Variants in CHCHD6 observed in about 807,000 individuals in gnomAD.
CHCHD6 encodes coiled-coil-helix-coiled-coil-helix domain containing 6.
Under a neutral mutation model 32.3 loss-of-function variants are expected in CHCHD6, and 28 were observed. The observed-to-expected ratio is 0.87, with a 90% CI of 0.64 to 1.19. The LOEUF is 1.19. Among genes scored for constraint, CHCHD6 ranks in the 50% most tolerant of loss-of-function variants. The pLI is 0.00. For missense variants in CHCHD6, 333 were observed against 307.0 expected, an observed-to-expected ratio of 1.08 and a Z score of -0.63; for synonymous variants, 122 against 117.5, an observed-to-expected ratio of 1.04 and a Z score of -0.25.
At chr3:126,895,206 A>T (rs939450206) in intron 5 of CHCHD6, among the ~76,000 whole-genome samples, 1 of 152,236 alleles carries the variant, frequency 6.6e-6, no homozygotes, top group African/African-American at 2.4e-5. Flanking sequence ...GGAACCTTCA[A>T]ATCAATGTGA....
intron 4 of CHCHD6, among the ~76,000 whole-genome samples, chr3:126,836,705 G>C (rs902471750): frequency 2.6e-5 from 4 of 152,244 alleles, no homozygotes; most frequent in African/African-American, 9.6e-5. Flanking sequence ...GATGCTGAGA[G>C]GAGAGAGGGC....
chr3:126,730,587 A>G lies in CHCHD6; in HGVS notation c.223A>G (p.Ser75Gly), dbSNP rs1311390716. ...ATCCACACTGCCCAGGTCGGGGAGC[A>G]GTGGTGGCCAGCAGCCCTCAGGGAT... ...KESTLPRSGS[S>G]GGQQPSGMKE... Residue 75 changes from serine to glycine, a missense_variant, in exon 3 of 8, where the codon AGT becomes GGT. Coordinates refer to ENST00000290913, the MANE Select transcript of CHCHD6 (RefSeq NM_032343.3). 2 of 1,613,726 alleles carry G rather than the reference A, an allele frequency of 1.2e-6. No homozygotes were observed. The highest frequency in any genetic ancestry group is 2.7e-5 in the African/African-American group (2 of 74,896).
At chr3:126,714,795 G>A (rs1333812736) in intron 1 of CHCHD6, among the ~76,000 whole-genome samples, 6 of 152,074 alleles carry the variant, frequency 3.9e-5, no homozygotes, top group African/African-American at 4.8e-5. Context: ...GGCCTGTCTC[G>A]GCTGCTGACC....
At chr3:126,796,079 T>C (rs1185161397) in intron 4 of CHCHD6, among the ~76,000 whole-genome samples, 1 of 152,118 alleles carries the variant, frequency 6.6e-6, no homozygotes, top group African/African-American at 2.4e-5. Context: ...GTGTAGTGGC[T>C]CATGGGTGTA....
At chr3:126,852,760 G>C (rs570159752) in intron 5 of CHCHD6, 30 bp downstream of exon 5, 6 of 1,502,502 alleles carry the variant, frequency 4.0e-6, no homozygotes, top group South Asian at 1.1e-5. Flanking sequence ...GCATTCCTCG[G>C]GGCCAGGTCC....
At chr3:126,877,726 T>C in intron 5 of CHCHD6, among the ~76,000 whole-genome samples, 1 of 152,180 alleles carries the variant, frequency 6.6e-6, no homozygotes, top group East Asian at 1.9e-4. Context: ...TGTGTATAAA[T>C]CTGGTGAAAT....
intron 4 of CHCHD6, among the ~76,000 whole-genome samples, chr3:126,754,998 A>T (rs184724533): frequency 6.6e-6 from 1 of 152,204 alleles, no homozygotes; most frequent in East Asian, 1.9e-4. Flanking sequence ...TAAAATCCTG[A>T]TGAAGTGGGG....
At chr3:126,724,613 C>T (rs994146721) in intron 1 of CHCHD6, among the ~76,000 whole-genome samples, 13 of 152,078 alleles carry the variant, frequency 8.5e-5, no homozygotes, top group South Asian at 2.1e-4. Flanking sequence ...TTTGCCACAT[C>T]GATCAACTCT....
chr3:126,891,217 G>T (rs143534716), intron 5 of CHCHD6, among the ~76,000 whole-genome samples: 2 of 152,322 alleles, frequency 1.3e-5, no homozygotes, highest in East Asian at 3.9e-4. Flanking sequence ...CCTGGGGGTT[G>T]TGTTAGCTAG....
chr3:126,888,938 T>C (rs2077715241), intron 5 of CHCHD6, among the ~76,000 whole-genome samples: 2 of 152,134 alleles, frequency 1.3e-5, no homozygotes, highest in Admixed American at 1.3e-4. Context: ...CCACGTGTGG[T>C]GCTTAGCCCC....
Position 126,855,952 on chromosome 3 carries a change from G to A in CHCHD6, c.495+3222G>A, listed in dbSNP as rs371693878. ...GCAAGCAAACCACTGCTCACAAAGA[G>A]CATGTAGTTTCCATAGCATTTTCAC... On this transcript the variant is annotated intron_variant, in intron 5 of 7. Transcript: ENST00000290913. 9.2e-5 allele frequency among the ~76,000 whole-genome samples: 14 copies of A among 152,316 alleles called. No individual in the cohort carries two copies. The East Asian group carries it at 2.3e-3, about 25-fold the overall frequency.
chr3:126,835,621 A>G (rs1215853084), intron 4 of CHCHD6, among the ~76,000 whole-genome samples: 1 of 152,218 alleles, frequency 6.6e-6, no homozygotes, highest in Non-Finnish European at 1.5e-5. Context: ...GTTGCTGGTC[A>G]TGTTTGAGCA....
chr3:126,750,179 G>T (rs574643827), intron 4 of CHCHD6, among the ~76,000 whole-genome samples: 1 of 152,208 alleles, frequency 6.6e-6, no homozygotes, highest in Admixed American at 6.5e-5. Context: ...AGGGGTCCTC[G>T]AGAAGGCACA....
intron 4 of CHCHD6, among the ~76,000 whole-genome samples, chr3:126,776,685 C>G (rs1358507191): frequency 6.6e-6 from 1 of 152,174 alleles, no homozygotes; most frequent in Non-Finnish European, 1.5e-5. Context: ...CATATCAACT[C>G]TGAGTAGTTG....
At chr3:126,863,417 T>A (rs1005352789) in intron 5 of CHCHD6, among the ~76,000 whole-genome samples, 3 of 15,634 alleles carry the variant, frequency 1.9e-4, no homozygotes, top group East Asian at 2.6e-3. Flanking sequence ...TCTACCATCA[T>A]CACCTCCTCC....
intron 4 of CHCHD6, among the ~76,000 whole-genome samples, chr3:126,739,635 A>G (rs1033652497): frequency 1.3e-5 from 2 of 152,202 alleles, no homozygotes; most frequent in Non-Finnish European, 1.5e-5. Context: ...GATATGTAAA[A>G]TGAGGATTTT....
intron 1 of CHCHD6, among the ~76,000 whole-genome samples, chr3:126,723,213 T>C (rs978030857): frequency 3.3e-5 from 5 of 152,082 alleles, no homozygotes; most frequent in African/African-American, 1.2e-4. Context: ...GTATATATCT[T>C]AAATACTACA....
chr3:126,861,800 C>A, intron 5 of CHCHD6, among the ~76,000 whole-genome samples: 1 of 126,314 alleles, frequency 7.9e-6, no homozygotes, highest in African/African-American at 3.0e-5. Context: ...ACCACCTCCC[C>A]CTCCTCCACC....
chr3:126,914,611 G>A, intron 5 of CHCHD6, 69 bp from the exon 6 acceptor site: 3 of 856,952 alleles, frequency 3.5e-6, no homozygotes, highest in Non-Finnish European at 6.1e-6. Flanking sequence ...TTCTAATGTG[G>A]TTGCATCCCA....
Sources: allele counts gnomAD v4.1 joint callset (sites outside exome capture counted in the v4.1 genomes callset), GRCh38; gene constraint gnomAD v4.1.1; transcripts MANE v1.5; gene names NCBI Gene and HGNC (gene_info 2026-07-23, HGNC 2026-07-21).